Variants in NCOA1 observed in about 807,000 individuals in gnomAD.
NCOA1 encodes nuclear receptor coactivator 1.
Under a neutral mutation model 150.9 loss-of-function variants are expected in NCOA1, and 35 were observed. The ratio of observed to expected loss-of-function variants is 0.23; its 90% CI spans 0.18 to 0.31. The LOEUF is 0.31. Ranked by LOEUF, NCOA1 falls within the 10% of genes least tolerant of loss-of-function variation. NCOA1 has a pLI of 1.00. For synonymous variants in NCOA1, 590 were observed against 630.0 expected (o/e 0.94, Z 0.95); for missense variants, 1,491 against 1,749.3 (o/e 0.85, Z 2.63).
At chr2:24,651,254 T>C (rs932878826) in intron 4 of NCOA1, among the ~76,000 whole-genome samples, 4 of 152,092 alleles carry the variant, frequency 2.6e-5, no homozygotes, top group African/African-American at 9.7e-5. Context: ...TGCACTCCCA[T>C]GTTCATTGCA....
chr2:24,543,640 G>A (rs915233280), intron 1 of NCOA1, among the ~76,000 whole-genome samples: 1 of 152,036 alleles, frequency 6.6e-6, no homozygotes, highest in Non-Finnish European at 1.5e-5. Flanking sequence ...GATGAACAGG[G>A]AAGGCAGAGA....
At chr2:24,523,605 CAAAAAAAAA>C (rs979559677) in intron 1 of NCOA1, among the ~76,000 whole-genome samples, 328 of 17,726 alleles carry the variant, frequency 0.019, 19 homozygotes, top group Admixed American at 0.11. Flanking sequence ...GACTCCGTCT[CAAAAAAAAA>C]AAAAAAAAAA....
chr2:24,730,704 T>G (rs747447507), intron 17 of NCOA1, among the ~76,000 whole-genome samples: 8 of 151,956 alleles, frequency 5.3e-5, no homozygotes, highest in Non-Finnish European at 1.2e-4. Flanking sequence ...AGATAATCAT[T>G]AAGGACCACA....
intron 1 of NCOA1, among the ~76,000 whole-genome samples, chr2:24,542,599 C>T (rs972984553): frequency 2.0e-5 from 3 of 152,126 alleles, no homozygotes; most frequent in East Asian, 1.9e-4. Context: ...AAAACTTTAT[C>T]GCCAAATAGC....
chr2:24,512,716 C>T (rs1399194183), intron 1 of NCOA1, among the ~76,000 whole-genome samples: 3 of 152,112 alleles, frequency 2.0e-5, no homozygotes, highest in Non-Finnish European at 4.4e-5. Context: ...CTTTGGGGCT[C>T]ATCTTGAGTT....
chr2:24,762,639 A>G lies in NCOA1; in HGVS notation c.4066-48A>G, dbSNP rs1311407034. The G allele has an allele frequency of 2.6e-6, 4 of 1,542,098 alleles. No individual in the cohort carries two copies. The South Asian group carries it at 4.6e-5, about 18-fold the overall frequency. Reference sequence around the variant, plus strand: ...TTTTTCATTGGAGAATTTGGTTTTCAGTTTAAACAACTAGCTTGTAATTTG... The same window carrying G: ...TTTTTCATTGGAGAATTTGGTTTTCGGTTTAAACAACTAGCTTGTAATTTG... On this transcript the variant is annotated intron_variant, in intron 21 of 22. Coordinates refer to ENST00000348332, the MANE Select transcript of NCOA1 (RefSeq NM_003743.5).
chr2:24,539,908 T>C (rs899194590), intron 1 of NCOA1, among the ~76,000 whole-genome samples: 1 of 152,150 alleles, frequency 6.6e-6, no homozygotes, highest in Non-Finnish European at 1.5e-5. Context: ...TAACACCAAC[T>C]TGAGCAAAGT....
At chr2:24,561,303 A>G (rs944064962) in intron 1 of NCOA1, among the ~76,000 whole-genome samples, 6 of 152,210 alleles carry the variant, frequency 3.9e-5, no homozygotes, top group Admixed American at 3.9e-4. Flanking sequence ...TTCCTTTTAT[A>G]TCATTTTGAT....
At chr2:24,602,733 A>G (rs1668180155) in intron 3 of NCOA1, among the ~76,000 whole-genome samples, 1 of 152,174 alleles carries the variant, frequency 6.6e-6, no homozygotes, top group Non-Finnish European at 1.5e-5. Context: ...AAAATTTGTT[A>G]TCCTCCATAT....
intron 6 of NCOA1, 37 bp from the exon 7 acceptor site, chr2:24,673,329 T>G: frequency 7.2e-7 from 1 of 1,390,040 alleles, no homozygotes; most frequent in Non-Finnish European, 9.7e-7. Context: ...ATAAGCTCTT[T>G]TCAGATATGT....
intron 3 of NCOA1, among the ~76,000 whole-genome samples, chr2:24,599,835 A>AT (rs1668036437): frequency 6.7e-6 from 1 of 149,330 alleles, no homozygotes. Flanking sequence ...GTTTTAAGCG[A>AT]TTCTCGTGCC....
At chr2:24,575,763 C>T (rs1008839413) in intron 2 of NCOA1, among the ~76,000 whole-genome samples, 10 of 151,800 alleles carry the variant, frequency 6.6e-5, no homozygotes, top group South Asian at 2.1e-4. Flanking sequence ...TTAGTAGAGA[C>T]GGGGTTTCAC....
chr2:24,559,679 A>G (rs977417636), intron 1 of NCOA1, among the ~76,000 whole-genome samples: 1 of 151,648 alleles, frequency 6.6e-6, no homozygotes, highest in African/African-American at 2.4e-5. Flanking sequence ...GGTCATGGAC[A>G]GGAATATCCT....
chr2:24,649,801 GA>G (rs1372412042), intron 4 of NCOA1, among the ~76,000 whole-genome samples: 4 of 151,766 alleles, frequency 2.6e-5, no homozygotes, highest in African/African-American at 9.7e-5. Flanking sequence ...TTAATGCAAA[GA>G]AAAAAAGCAT....
intron 5 of NCOA1, among the ~76,000 whole-genome samples, chr2:24,663,675 A>G (rs1671285496): frequency 6.6e-6 from 1 of 152,180 alleles, no homozygotes. Context: ...TTTTTTTGCC[A>G]TCTCCAGTTT....
intron 1 of NCOA1, among the ~76,000 whole-genome samples, chr2:24,538,403 A>G (rs137861197): frequency 2.0e-5 from 3 of 152,362 alleles, no homozygotes; most frequent in African/African-American, 7.2e-5. Flanking sequence ...TGGAAAAGCA[A>G]TAGAGTAAGT....
At chr2:24,497,750 C>T (rs1374347897) in intron 1 of NCOA1, among the ~76,000 whole-genome samples, 1 of 151,972 alleles carries the variant, frequency 6.6e-6, no homozygotes, top group Non-Finnish European at 1.5e-5. Context: ...GTGCTTCTAT[C>T]CAGGTAAGGT....
At chr2:24,639,556 T>C (rs1670084886) in intron 3 of NCOA1, among the ~76,000 whole-genome samples, 2 of 152,144 alleles carry the variant, frequency 1.3e-5, no homozygotes. Context: ...GTATTATTTT[T>C]AGTTTATACC....
chr2:24,744,900 G>T (rs898980618), intron 19 of NCOA1, among the ~76,000 whole-genome samples: 1 of 152,190 alleles, frequency 6.6e-6, no homozygotes, highest in African/African-American at 2.4e-5. Flanking sequence ...GCCCTTTGCA[G>T]AAGAAGCTTG....
Sources: allele counts gnomAD v4.1 joint callset (sites outside exome capture counted in the v4.1 genomes callset), GRCh38; gene constraint gnomAD v4.1.1; transcripts MANE v1.5; gene names NCBI Gene and HGNC (gene_info 2026-07-23, HGNC 2026-07-21).